Variants in CFAP61 observed in about 807,000 individuals in gnomAD.
CFAP61 encodes the protein cilia- and flagella-associated protein 61.
A neutral mutation model predicts 135.6 loss-of-function variants in CFAP61; 107 were observed. That is an observed-to-expected ratio of 0.79 (90% CI 0.67 to 0.93). The LOEUF (loss-of-function observed/expected upper bound fraction) is 0.93. Among genes scored for constraint, CFAP61 ranks in the 40% least tolerant of loss-of-function variants. The probability of loss-of-function intolerance (pLI) is 0.00; values close to 1 mark genes in which losing one functional copy is unlikely to be tolerated. For synonymous variants in CFAP61, 575 were observed against 578.5 expected, an observed-to-expected ratio of 0.99 and a Z score of 0.09; for missense variants, 1,507 against 1,556.2, an observed-to-expected ratio of 0.97 and a Z score of 0.53.
chr20:20,256,947 T>C (rs2051649860), intron 20 of CFAP61, among the ~76,000 whole-genome samples: 1 of 152,234 alleles, frequency 6.6e-6, no homozygotes, highest in South Asian at 2.1e-4. Context: ...GCTCTTCCGA[T>C]GCTTCAGCTG....
At chr20:20,129,027 G>A (rs1025673788) in intron 8 of CFAP61, among the ~76,000 whole-genome samples, 7 of 151,082 alleles carry the variant, frequency 4.6e-5, no homozygotes, top group African/African-American at 1.5e-4. Flanking sequence ...TATTATAATA[G>A]TTATAACTAT....
chr20:20,143,685 C>T (rs1209481946), intron 9 of CFAP61, among the ~76,000 whole-genome samples: 1 of 152,160 alleles, frequency 6.6e-6, no homozygotes, highest in Non-Finnish European at 1.5e-5. Flanking sequence ...GACAGACCTT[C>T]TAGGTCACAA....
intron 10 of CFAP61, among the ~76,000 whole-genome samples, chr20:20,163,432 G>A (rs543463227): frequency 6.6e-6 from 1 of 152,076 alleles, no homozygotes; most frequent in Non-Finnish European, 1.5e-5. Context: ...ACAGCTTTGG[G>A]GACAGAGGGA....
intron 24 of CFAP61, among the ~76,000 whole-genome samples, chr20:20,293,836 G>T (rs2055186332): frequency 6.6e-6 from 1 of 152,172 alleles, no homozygotes; most frequent in African/African-American, 2.4e-5. Flanking sequence ...AACAAATTCT[G>T]CCTTGGATAC....
At chr20:20,270,237 C>T (rs2053237671) in intron 21 of CFAP61, among the ~76,000 whole-genome samples, 1 of 152,046 alleles carries the variant, frequency 6.6e-6, no homozygotes, top group South Asian at 2.1e-4. Flanking sequence ...TGAGATCTAA[C>T]TTCATGGCCA....
chr20:20,127,119 C>T (rs952258221), intron 8 of CFAP61, among the ~76,000 whole-genome samples: 3 of 151,564 alleles, frequency 2.0e-5, no homozygotes, highest in African/African-American at 4.9e-5. Context: ...TCTCCCTTCA[C>T]TTCTTGTATC....
At chr20:20,118,257 CTTT>C (rs1568940975) in intron 8 of CFAP61, among the ~76,000 whole-genome samples, 698 of 46,052 alleles carry the variant, frequency 0.015, 2 homozygotes, top group African/African-American at 0.025. Context: ...AGGTATGTTT[CTTT>C]CTTTCTTTCT....
At chr20:20,142,157 G>T (rs1210676184) in intron 8 of CFAP61, among the ~76,000 whole-genome samples, 1 of 152,190 alleles carries the variant, frequency 6.6e-6, no homozygotes, top group East Asian at 1.9e-4. Context: ...AAAGACCTTT[G>T]TAGACAAAAT....
intron 2 of CFAP61, among the ~76,000 whole-genome samples, chr20:20,057,120 TAAA>T (rs752860141): frequency 3.9e-5 from 4 of 102,120 alleles, no homozygotes; most frequent in African/African-American, 7.4e-5. Flanking sequence ...CTGTCTCAAT[TAAA>T]AAAAAAAAAA....
chr20:20,298,065 A>G, intron 24 of CFAP61, 116 bp from the exon 25 acceptor site: 1 of 696,066 alleles, frequency 1.4e-6, no homozygotes, highest in East Asian at 2.6e-5. Flanking sequence ...GTTATTTGCA[A>G]AGAGGGATAA....
chr20:20,054,184 T>G (rs528947339), intron 1 of CFAP61, among the ~76,000 whole-genome samples: 1 of 152,226 alleles, frequency 6.6e-6, no homozygotes, highest in African/African-American at 2.4e-5. Flanking sequence ...CCTAGTTCTT[T>G]CTACAAGATT....
intron 2 of CFAP61, among the ~76,000 whole-genome samples, chr20:20,057,559 A>T (rs1053630199): frequency 4.6e-5 from 7 of 152,194 alleles, no homozygotes; most frequent in Non-Finnish European, 2.9e-5. Flanking sequence ...GGAAACCTGG[A>T]TTTGTTCACA....
intron 6 of CFAP61, among the ~76,000 whole-genome samples, chr20:20,088,269 G>T (rs1452155806): frequency 6.6e-6 from 1 of 152,148 alleles, no homozygotes; most frequent in Admixed American, 6.5e-5. Flanking sequence ...TCCTTCCAGA[G>T]AGTTTTGACA....
chr20:20,178,680 C>CGT (rs869027887), intron 13 of CFAP61, among the ~76,000 whole-genome samples: 2 of 11,100 alleles, frequency 1.8e-4, no homozygotes, highest in Admixed American at 6.3e-4. Flanking sequence ...ATCGATTCTC[C>CGT]CCCCCACCAT....
Position 20,090,890 on chromosome 20 carries a change from A to G in CFAP61, c.613A>G (p.Thr205Ala). ...DLMPIFMRYDTILKETYGEYF... is the reference protein window; with the variant it reads ...DLMPIFMRYDAILKETYGEYF... The stretch of plus-strand genomic sequence containing the variant: ...CATGCCAATATTTATGCGCTATGAC[A>G]CAATTCTGAAGGAAACTTACGGTGA... The change falls in exon 7 of 27, where the codon ACA becomes GCA. Residue 205 changes from threonine to alanine, a missense_variant. Coordinates refer to ENST00000245957, the MANE Select transcript of CFAP61 (RefSeq NM_015585.4). The G allele has an allele frequency of 1.2e-6, 2 of 1,614,102 alleles. No individual in the cohort carries two copies. The highest frequency in any genetic ancestry group is 8.5e-7 in the Non-Finnish European group (1 of 1,180,008).
intron 21 of CFAP61, among the ~76,000 whole-genome samples, chr20:20,271,037 T>A (rs917810824): frequency 6.6e-6 from 1 of 152,132 alleles, no homozygotes; most frequent in African/African-American, 2.4e-5. Context: ...GCTGATTTGT[T>A]CATTTACACC....
At chr20:20,272,735 G>A (rs1333907143) in intron 21 of CFAP61, among the ~76,000 whole-genome samples, 1 of 152,126 alleles carries the variant, frequency 6.6e-6, no homozygotes, top group Admixed American at 6.6e-5. Context: ...CTTACCCAGG[G>A]ATTCAGGAAG....
intron 12 of CFAP61, among the ~76,000 whole-genome samples, chr20:20,168,551 C>T (rs565465881): frequency 2.1e-4 from 32 of 152,150 alleles, no homozygotes; most frequent in African/African-American, 7.0e-4. Flanking sequence ...CAGTTGGATA[C>T]GTAGATTCAC....
At chr20:20,331,231 G>A (rs531190365) in intron 25 of CFAP61, among the ~76,000 whole-genome samples, 1 of 152,062 alleles carries the variant, frequency 6.6e-6, no homozygotes, top group South Asian at 2.1e-4. Flanking sequence ...TATCATTGTG[G>A]ACTTAAGGAT....
Sources: gnomAD v4.1 joint callset for allele counts (sites outside exome capture counted in the v4.1 genomes callset) on GRCh38, gnomAD v4.1.1 for gene constraint, MANE v1.5 for transcripts, NCBI Gene and HGNC (gene_info 2026-07-23, HGNC 2026-07-21) for gene names.